The following KIAA1549 variants were observed in gnomAD, a reference collection of about 807,000 sequenced individuals.
KIAA1549 encodes the protein KIAA1549, also known as UPF0606 protein KIAA1549.
In KIAA1549, 70 loss-of-function variants were observed where a neutral mutation model predicts 156.4. The ratio of observed to expected loss-of-function variants is 0.45; its 90% CI spans 0.37 to 0.55. The LOEUF is 0.55. Among genes scored for constraint, KIAA1549 ranks in the 20% least tolerant of loss-of-function variants. The pLI, the probability that KIAA1549 is intolerant of heterozygous loss-of-function variation, is 0.00. For synonymous variants in KIAA1549, 1,103 were observed against 1,066.4 expected, an observed-to-expected ratio of 1.03 and a Z score of -0.67; for missense variants, 2,428 against 2,540.9, an observed-to-expected ratio of 0.96 and a Z score of 0.96.
At position 138,852,115 on chromosome 7, in the gene KIAA1549, C is replaced by T. The variant is rs577948126; in HGVS notation, c.5294+108G>A. 50 of 679,994 alleles carry T rather than the reference C, an allele frequency of 7.4e-5. 1 individual carries two copies. In the South Asian group the frequency reaches 7.4e-4, roughly 10 times the overall value. 42.1% of individuals were successfully genotyped at this position (679,994 alleles called of 1,614,324 possible). A position where few individuals can be genotyped will look rare whatever the true frequency, so the allele number is the denominator to read the frequency against. ...CTGGTTAGATCAAGAGAATATACAA[C>T]GCAGAGTTTTACATCTGCTCATATT... On this transcript the variant is annotated intron_variant, in intron 17 of 19. Transcript: ENST00000422774.
chr7:138,899,185 C>T, intron 8 of KIAA1549, 53 bp from the exon 9 acceptor site: 1 of 1,532,328 alleles, frequency 6.5e-7, no homozygotes, highest in Non-Finnish European at 9.0e-7. Flanking sequence ...TTCTAGATGC[C>T]CTCTCTCAGG....
intron 17 of KIAA1549, among the ~76,000 whole-genome samples, chr7:138,850,943 T>C (rs1810216144): frequency 6.6e-6 from 1 of 152,212 alleles, no homozygotes; most frequent in African/African-American, 2.4e-5. Context: ...GTCCAGCATA[T>C]GGTAAATTTT....
At chr7:138,860,409 G>C (rs1810538621) in intron 16 of KIAA1549, among the ~76,000 whole-genome samples, 1 of 152,124 alleles carries the variant, frequency 6.6e-6, no homozygotes, top group Non-Finnish European at 1.5e-5. Context: ...TAACAAGGTG[G>C]ACCCAGTATA....
Position 138,838,011 on chromosome 7 carries a change from T to C in KIAA1549, c.5748A>G (p.Glu1916=). The C allele has an allele frequency of 6.2e-7, 1 of 1,611,474 alleles. No individual in the cohort carries two copies. Among genetic ancestry groups the C allele is most frequent in the South Asian group, 1.1e-5 (1 of 90,270 alleles). ...PGLGYPTSST[E]DLQPGHSSAS... is the part of the protein sequence containing the mutation. Reference sequence around the variant, plus strand: ...CCGAGGAGTGGCCAGGCTGGAGGTCTTCCGTGGAGCTGGTGGGGTAACCCA... The same window carrying C: ...CCGAGGAGTGGCCAGGCTGGAGGTCCTCCGTGGAGCTGGTGGGGTAACCCA... The change falls in exon 20 of 20, where the codon GAA becomes GAG. Residue 1916 remains glutamate (E), a synonymous_variant. Transcript: ENST00000422774.
At chr7:138,858,128 T>TA (rs1563051521) in intron 16 of KIAA1549, among the ~76,000 whole-genome samples, 1 of 147,098 alleles carries the variant, frequency 6.8e-6, no homozygotes, top group East Asian at 1.9e-4. Context: ...GTCTGCCTTC[T>TA]TTTTTTTTTT....
chr7:138,872,013 G>A (rs939226091), intron 12 of KIAA1549, among the ~76,000 whole-genome samples: 1 of 151,958 alleles, frequency 6.6e-6, no homozygotes, highest in Non-Finnish European at 1.5e-5. Flanking sequence ...TTTTGAGACG[G>A]AGTCTCACTC....
chr7:138,927,293 A>AT (rs1812746167), intron 1 of KIAA1549, among the ~76,000 whole-genome samples: 1 of 152,216 alleles, frequency 6.6e-6, no homozygotes, highest in East Asian at 1.9e-4. Context: ...TCTGGTGCAC[A>AT]TATTTAAAGT....
At chr7:138,841,935 T>C (rs1216916342) in intron 18 of KIAA1549, among the ~76,000 whole-genome samples, 1 of 151,932 alleles carries the variant, frequency 6.6e-6, no homozygotes, top group Admixed American at 6.6e-5. Flanking sequence ...TATTCGGATA[T>C]TTAATGATAA....
At position 138,949,017 on chromosome 7, in the gene KIAA1549, G is replaced by A. The variant is rs575352585; in HGVS notation, c.188-29579C>T. ...ACCGCGCCCGGCCAGGGTTTATACCGTTTTTACGGGGTCATGAGGTTGACA... is the reference window on the plus strand; with the variant it reads ...ACCGCGCCCGGCCAGGGTTTATACCATTTTTACGGGGTCATGAGGTTGACA... On this transcript the variant is annotated intron_variant, in intron 1 of 19. Coordinates refer to ENST00000422774, the MANE Select transcript of KIAA1549 (RefSeq NM_001164665.2). 2.9e-4 allele frequency among the ~76,000 whole-genome samples: 44 copies of A among 152,198 alleles called. No individual in the cohort carries two copies. In the South Asian group the frequency reaches 7.1e-3, roughly 24 times the overall value.
chr7:138,980,929 G>T (rs921306567), intron 1 of KIAA1549, among the ~76,000 whole-genome samples, 154 bp downstream of exon 1: 1 of 152,184 alleles, frequency 6.6e-6, no homozygotes, highest in Non-Finnish European at 1.5e-5. Flanking sequence ...TTATTTGTTG[G>T]GCCCCAGAAG....
intron 1 of KIAA1549, among the ~76,000 whole-genome samples, chr7:138,924,970 G>A (rs535090575): frequency 7.2e-5 from 11 of 152,244 alleles, no homozygotes; most frequent in East Asian, 1.9e-4. Flanking sequence ...CTCCTGCACC[G>A]CTCCCAGCTG....
chr7:138,916,839 G>T lies in KIAA1549; in HGVS notation c.2787C>A (p.Leu929=), dbSNP rs542756290. 3 of 1,613,946 alleles carry T rather than the reference G, an allele frequency of 1.9e-6. No individual in the cohort carries two copies. The highest frequency in any genetic ancestry group is 2.5e-6 in the Non-Finnish European group (3 of 1,179,878). ...PSLRPVTAFT[L]EATVDTPTLA... is the part of the protein sequence containing the mutation. ...GTGTTGGTGTGTCGACTGTTGCTTCGAGAGTGAAGGCAGTCACGGGACGCA... is the reference window on the plus strand; with the variant it reads ...GTGTTGGTGTGTCGACTGTTGCTTCTAGAGTGAAGGCAGTCACGGGACGCA... Residue 929 remains leucine (L), a synonymous_variant, in exon 2 of 20, where the codon CTC becomes CTA. Coordinates refer to ENST00000422774, the MANE Select transcript of KIAA1549 (RefSeq NM_001164665.2).
At position 138,869,729 on chromosome 7, in the gene KIAA1549, G is replaced by A. The variant is rs751453388; in HGVS notation, c.4584C>T (p.Ile1528=). Residue 1528 remains isoleucine (I), a synonymous_variant, in exon 14 of 20, where the codon ATC becomes ATT. Coordinates refer to ENST00000422774, the MANE Select transcript of KIAA1549 (RefSeq NM_001164665.2). ...GGCGGATCTTGTTGCGATGGTGCTC[G>A]ATCTCAGACTTGTGCCGCAGCGCGG... ...IQTALRHKSE[I]EHHRNKIRLR... 1.5e-5 allele frequency: 24 copies of A among 1,611,676 alleles called. No homozygotes were observed. The highest frequency in any genetic ancestry group is 6.6e-5 in the South Asian group (6 of 90,938).
At chr7:138,909,453 G>A (rs1023799085) in intron 4 of KIAA1549, among the ~76,000 whole-genome samples, 4 of 152,200 alleles carry the variant, frequency 2.6e-5, no homozygotes, top group East Asian at 3.8e-4. Flanking sequence ...ATTTATGGGT[G>A]AAATGACATG....
rs777901817 is a variant in KIAA1549 at position 138,917,869 on chromosome 7, G to A, written c.1757C>T (p.Pro586Leu). 26 of 1,604,686 alleles carry A rather than the reference G, an allele frequency of 1.6e-5. No homozygotes were observed. The highest frequency in any genetic ancestry group is 2.0e-5 in the Non-Finnish European group (23 of 1,175,708). Residue 586 changes from proline to leucine, a missense_variant, in exon 2 of 20, where the codon CCG becomes CTG. This residue lies in a region of KIAA1549 where 893 missense variants were observed against 847.9 expected (regional missense o/e 1.05). Coordinates refer to ENST00000422774, the MANE Select transcript of KIAA1549 (RefSeq NM_001164665.2). ...CAGACTATAAGGCGTAAAAACACTC[G>A]GGTCTCTGACGGCAAGCGACGGTGT... ...KNTPSLAVRD[P>L]SVFTPYSLVP...
intron 10 of KIAA1549, among the ~76,000 whole-genome samples, chr7:138,884,114 C>T (rs924166858): frequency 6.6e-5 from 10 of 152,146 alleles, no homozygotes; most frequent in Admixed American, 6.5e-4. Flanking sequence ...CATAGCCAAA[C>T]AGGCCTATGT....
At chr7:138,863,493 A>G (rs1419410255) in intron 15 of KIAA1549, among the ~76,000 whole-genome samples, 4 of 152,106 alleles carry the variant, frequency 2.6e-5, no homozygotes, top group Non-Finnish European at 5.9e-5. Flanking sequence ...CTCCAAACTG[A>G]GAGAGGACCA....
rs567332569 is a variant in KIAA1549, at chr7:138,911,877, C to T, written c.2967+495G>A. ...GACGAGCCCCATTTCACTGCTGTATCGCCATGCGTGGGGCGCGGTTCTGGT... is the reference window on the plus strand; with the variant it reads ...GACGAGCCCCATTTCACTGCTGTATTGCCATGCGTGGGGCGCGGTTCTGGT... On this transcript the variant is annotated intron_variant, in intron 3 of 19. Coordinates refer to ENST00000422774, the MANE Select transcript of KIAA1549 (RefSeq NM_001164665.2). 2.0e-5 allele frequency among the ~76,000 whole-genome samples: 3 copies of T among 152,222 alleles called. No homozygotes were observed. In the East Asian group the frequency reaches 5.8e-4, roughly 29 times the overall value.
Position 138,861,290 on chromosome 7 carries a change from G to A in KIAA1549, c.5096C>T (p.Ala1699Val), listed in dbSNP as rs2130366327. ...GGTGCTGGCAGGCTGGCTGCTGGGGGCCACGAGGGCAAAGGCGTCGTCCAG... is the reference window on the plus strand; with the variant it reads ...GGTGCTGGCAGGCTGGCTGCTGGGGACCACGAGGGCAAAGGCGTCGTCCAG... Reference protein sequence around the residue: ...SLLDDAFALVAPSSQPASTAG... With the variant: ...SLLDDAFALVVPSSQPASTAG... Residue 1699 changes from alanine (A) to valine (V), a missense_variant, in exon 16 of 20, where the codon GCC becomes GTC. This residue lies in a region of KIAA1549 where 363 missense variants were observed against 354.0 expected (regional missense o/e 1.03). Coordinates refer to ENST00000422774, the MANE Select transcript of KIAA1549 (RefSeq NM_001164665.2). The A allele has an allele frequency of 6.8e-6, 11 of 1,608,294 alleles. No individual in the cohort carries two copies. The highest frequency in any genetic ancestry group is 9.3e-6 in the Non-Finnish European group (11 of 1,178,232).
Sources: gnomAD v4.1 joint callset for allele counts (sites outside exome capture counted in the v4.1 genomes callset) on GRCh38, gnomAD v4.1.1 for gene constraint, gnomAD v4.1.1 regional missense constraint, MANE v1.5 for transcripts, NCBI Gene and HGNC (gene_info 2026-07-23, HGNC 2026-07-21) for gene names.